The following PRPF8 variants were observed in gnomAD, a reference collection of about 807,000 sequenced individuals.
PRPF8 encodes pre-mRNA-processing-splicing factor 8.
PRPF8 carries 64 observed loss-of-function variants against 285.9 expected under a neutral mutation model. The ratio of observed to expected loss-of-function variants is 0.22; its 90% CI spans 0.18 to 0.28. The LOEUF is 0.28. Ranked by LOEUF, PRPF8 falls within the 10% of genes least tolerant of loss-of-function variation. The pLI is 1.00. For synonymous variants in PRPF8, 1,325 were observed against 1,118.2 expected, an observed-to-expected ratio of 1.18 and a Z score of -3.69; for missense variants, 1,426 against 3,026.7, an observed-to-expected ratio of 0.47 and a Z score of 12.41.
At position 1,681,704 on chromosome 17, in the gene PRPF8, G is replaced by C. The variant is rs1489787491; in HGVS notation, c.654-14C>G. On this transcript the variant is annotated splice_polypyrimidine_tract_variant and intron_variant, in intron 5 of 42. Coordinates refer to ENST00000304992, the MANE Select transcript of PRPF8 (RefSeq NM_006445.4). ...CCATTTACATACCTAGGTAAAAAAT[G>C]AAAGGCCCACCTCAAGTAAGCAGCT... 22 of 1,613,394 alleles carry C rather than the reference G, an allele frequency of 1.4e-5. No individual in the cohort carries two copies. Among genetic ancestry groups the C allele is most frequent in the Non-Finnish European group, 1.8e-5 (21 of 1,179,466 alleles).
At position 1,659,336 on chromosome 17, in the gene PRPF8, T is replaced by C. The variant is rs766965699; in HGVS notation, c.5138+21A>G. On this transcript the variant is annotated intron_variant, in intron 32 of 42. Transcript: ENST00000304992. This position sits in a 1 kb window ranked among gnomAD's most constrained non-coding sequence, Gnocchi z 5.1. ...CCACTGCGCCTGGCCTGAAAATACA[T>C]GGTCCTGAGCCTCAACTCACCTGTG... The C allele has an allele frequency of 7.4e-6, 12 of 1,613,674 alleles. No homozygotes were observed. The highest frequency in any genetic ancestry group is 9.3e-6 in the Non-Finnish European group (11 of 1,179,980).
In PRPF8 at chr17:1,656,428, G is replaced by C; in HGVS notation, c.5757C>G (p.Leu1919=). Reference sequence around the variant, plus strand: ...AAATAGTCTTGAGCCAGTCGTCATAGAGGTTGAAGAGAACCATCTGGGGCT... The same window carrying C: ...AAATAGTCTTGAGCCAGTCGTCATACAGGTTGAAGAGAACCATCTGGGGCT... ...ATEPQMVLFN[L]YDDWLKTISS... is the part of the protein sequence containing the mutation. The change falls in exon 36 of 43, where the codon CTC becomes CTG. Residue 1919 remains leucine, a synonymous_variant. Transcript: ENST00000304992. 6.2e-7 allele frequency: 1 copy of C among 1,614,208 alleles called. No individual in the cohort carries two copies. The highest frequency in any genetic ancestry group is 8.5e-7 in the Non-Finnish European group (1 of 1,180,042).
intron 39 of PRPF8, chr17:1,652,253 G>C: frequency 3.3e-6 from 1 of 300,268 alleles, no homozygotes; most frequent in Non-Finnish European, 6.5e-6. Context: ...TAAATAGTGG[G>C]TTTGAGATGG....
Position 1,675,040 on chromosome 17 carries a change from T to C in PRPF8, c.3060+112A>G, listed in dbSNP as rs1308469129. ...TGCCCGCCTCAGCCTCCCAAAGTGC[T>C]GGGATTACAGGCATGAGCCACCGCA... On this transcript the variant is annotated intron_variant, in intron 20 of 42. Coordinates refer to ENST00000304992, the MANE Select transcript of PRPF8 (RefSeq NM_006445.4). This position sits in a 1 kb window ranked among gnomAD's most constrained non-coding sequence, Gnocchi z 6.0. The C allele has an allele frequency of 7.7e-6, 10 of 1,303,332 alleles. No individual in the cohort carries two copies. The allele number at this position is 1,303,332 out of a possible 1,614,324, so 80.7% of individuals were successfully genotyped here.
intron 24 of PRPF8, among the ~76,000 whole-genome samples, chr17:1,664,673 A>G (rs183465333): frequency 1.3e-5 from 2 of 152,242 alleles, no homozygotes; most frequent in East Asian, 3.9e-4. Flanking sequence ...AAATCTTGAT[A>G]CATTTTTTAA....
Position 1,675,278 on chromosome 17 carries a change from T to C in PRPF8, c.2934A>G (p.Glu978=), listed in dbSNP as rs1380534803. Residue 978 remains glutamate (E), a synonymous_variant, in exon 20 of 43, where the codon GAA becomes GAG. Coordinates refer to ENST00000304992, the MANE Select transcript of PRPF8 (RefSeq NM_006445.4). The surrounding 1 kb of genome is among the most constrained non-coding windows in gnomAD (Gnocchi z 6.0). Reference sequence around the variant, plus strand: ...TCTCATACATCTTCTCAAAGCGGGATTCCAGCATGACATTGCACTCGCCTT... The same window carrying C: ...TCTCATACATCTTCTCAAAGCGGGACTCCAGCATGACATTGCACTCGCCTT... ...TSEGECNVML[E]SRFEKMYEKI... The C allele has an allele frequency of 1.2e-6, 2 of 1,614,076 alleles. No homozygotes were observed. The highest frequency in any genetic ancestry group is 1.7e-6 in the Non-Finnish European group (2 of 1,180,048).
At position 1,658,896 on chromosome 17, in the gene PRPF8, G is replaced by C. The variant is rs1046749627; in HGVS notation, c.5139-133C>G. 1.2e-6 allele frequency: 1 copy of C among 815,252 alleles called. No homozygotes were observed. The highest frequency in any genetic ancestry group is 2.1e-6 in the Non-Finnish European group (1 of 476,248). The allele number at this position is 815,252 out of a possible 1,614,324, so 50.5% of individuals were successfully genotyped here. ...ACACTCTGCTCATGTGTACATACAG[G>C]CTGGAGAAGAGAATCAGTGACCCAT... On this transcript the variant is annotated intron_variant, in intron 32 of 42. Coordinates refer to ENST00000304992, the MANE Select transcript of PRPF8 (RefSeq NM_006445.4). The surrounding 1 kb of genome is among the most constrained non-coding windows in gnomAD (Gnocchi z 4.1).
chr17:1,675,077 C>A lies in PRPF8; in HGVS notation c.3060+75G>T. The A allele has an allele frequency of 6.3e-7, 1 of 1,579,466 alleles. No individual in the cohort carries two copies. Among genetic ancestry groups the A allele is most frequent in the Non-Finnish European group, 8.7e-7 (1 of 1,154,212 alleles). ...CATGAGCCACCGCACCCAGCCTCCT[C>A]CTCAGCAAATTCTGAGTCAGTGGGC... On this transcript the variant is annotated intron_variant, in intron 20 of 42. Transcript: ENST00000304992. This position sits in a 1 kb window ranked among gnomAD's most constrained non-coding sequence, Gnocchi z 6.0.
intron 21 of PRPF8, 126 bp from the exon 22 acceptor site, chr17:1,674,018 A>G (rs1273690720): frequency 2.0e-6 from 2 of 1,023,750 alleles, no homozygotes; most frequent in Non-Finnish European, 2.9e-6. Context: ...GCTTCATTCC[A>G]TTTTATTTTT....
At position 1,673,164 on chromosome 17, in the gene PRPF8, G is replaced by A. The variant is rs750592902; in HGVS notation, c.3691C>T (p.Arg1231Cys). ...TKERTAQCFL[R>C]VDDESMQRFH... ...CGCTGCATTGACTCATCGTCCACAC[G>A]CAGGAAACACTGAGCTGTGCGCTCC... The change falls in exon 24 of 43, where the codon CGT (arginine) becomes TGT (cysteine). Residue 1231 changes from arginine (R) to cysteine (C), a missense_variant. Transcript: ENST00000304992. The surrounding 1 kb of genome is among the most constrained non-coding windows in gnomAD (Gnocchi z 5.5). The A allele has an allele frequency of 1.2e-6, 2 of 1,614,194 alleles. No homozygotes were observed. Among genetic ancestry groups the A allele is most frequent in the Non-Finnish European group, 1.7e-6 (2 of 1,180,032 alleles).
At position 1,650,771 on chromosome 17, in the gene PRPF8, C is replaced by T. The variant is rs1179196041; in HGVS notation, c.*31G>A. The T allele has an allele frequency of 6.2e-6, 10 of 1,612,904 alleles. No homozygotes were observed. Among genetic ancestry groups the T allele is most frequent in the Admixed American group, 3.3e-5 (2 of 59,996 alleles). ...TCTGGAGGGGCTGAGGCTTCGGCCT[C>T]GGGAGGCTGAAGCAGGAGGCAGGGA... On this transcript the variant is annotated 3_prime_UTR_variant, in exon 43 of 43. Coordinates refer to ENST00000304992, the MANE Select transcript of PRPF8 (RefSeq NM_006445.4).
At chr17:1,683,761 T>G in intron 2 of PRPF8, 60 bp from the exon 3 acceptor site, 1 of 1,599,162 alleles carries the variant, frequency 6.3e-7, no homozygotes, top group Non-Finnish European at 8.5e-7. Flanking sequence ...CTTCACCTCT[T>G]GCCCTAGGGT....
intron 24 of PRPF8, among the ~76,000 whole-genome samples, chr17:1,662,856 G>GGA (rs1911745134): frequency 7.0e-6 from 1 of 142,358 alleles, no homozygotes; most frequent in African/African-American, 2.6e-5. Context: ...AAAAGAAAAA[G>GGA]AAAAAAAAAA....
In PRPF8 at chr17:1,684,842, G is replaced by A. The variant is rs886052623; in HGVS notation, c.-74C>T. On this transcript the variant is annotated 5_prime_UTR_variant, in exon 1 of 43. Coordinates refer to ENST00000304992, the MANE Select transcript of PRPF8 (RefSeq NM_006445.4). ...GCGCAATGGCGGCCAGACTGCGTCC[G>A]CTCCGCGTTCCCAGCGCCGGGAAGT... 1.2e-5 allele frequency: 7 copies of A among 595,492 alleles called. No individual in the cohort carries two copies. Among genetic ancestry groups the A allele is most frequent in the Non-Finnish European group, 2.1e-5 (7 of 333,784 alleles). The allele number at this position is 595,492 out of a possible 1,614,324, so 36.9% of individuals were successfully genotyped here.
chr17:1,673,360 A>G lies in PRPF8; in HGVS notation c.3654T>C (p.Asn1218=), dbSNP rs1912433468. ...THKDGVWNLQ[N]EVTKERTAQC... ...CCCAGCCCCGCCCAGGCTGTACCTC[A>G]TTCTGCAGGTTCCAGACCCCGTCCT... Residue 1218 remains asparagine (N), a synonymous_variant, in exon 23 of 43, where the codon AAT becomes AAC. Transcript: ENST00000304992. The surrounding 1 kb of genome is among the most constrained non-coding windows in gnomAD (Gnocchi z 5.5). 1 of 1,613,818 alleles carries G rather than the reference A, an allele frequency of 6.2e-7. No homozygotes were observed. The highest frequency in any genetic ancestry group is 8.5e-7 in the Non-Finnish European group (1 of 1,179,844).
At chr17:1,683,179 TAG>T in intron 3 of PRPF8, 1 of 339,240 alleles carries the variant, frequency 2.9e-6, no homozygotes, top group Non-Finnish European at 5.8e-6. Flanking sequence ...GTATTTTTAG[TAG>T]AGACGGGGTT....
chr17:1,678,497 T>A, intron 13 of PRPF8, 21 bp downstream of exon 13: 2 of 1,613,820 alleles, frequency 1.2e-6, no homozygotes, highest in East Asian at 2.2e-5. Context: ...AAAAAGAAAG[T>A]CAGTAAAGTC....
At chr17:1,665,995 T>C (rs1185855241) in intron 24 of PRPF8, among the ~76,000 whole-genome samples, 1 of 135,212 alleles carries the variant, frequency 7.4e-6, no homozygotes, top group Non-Finnish European at 1.6e-5. Context: ...AACCGCGTCG[T>C]AGTAAAAATA....
In PRPF8 at chr17:1,673,515, T is replaced by C. The variant is rs920314449; in HGVS notation, c.3499A>G (p.Thr1167Ala). 3.1e-6 allele frequency: 5 copies of C among 1,614,156 alleles called. No homozygotes were observed. The highest frequency in any genetic ancestry group is 2.2e-5 in the East Asian group (1 of 44,882). ...IKNRLPRSVT[T>A]VQWENSFVSV... ...ACGAAGCTGTTCTCCCACTGAACTGTAGTCACTGACCGTGGCAAGCGGTTC... is the reference window on the plus strand; with the variant it reads ...ACGAAGCTGTTCTCCCACTGAACTGCAGTCACTGACCGTGGCAAGCGGTTC... Residue 1167 changes from threonine to alanine, a missense_variant, in exon 23 of 43, where the codon ACA becomes GCA. Thr to Ala is a moderately conservative substitution (Grantham distance 58, BLOSUM62 0). This residue lies in a region of PRPF8 where 148 missense variants were observed against 196.2 expected (regional missense o/e 0.75). Coordinates refer to ENST00000304992, the MANE Select transcript of PRPF8 (RefSeq NM_006445.4). The surrounding 1 kb of genome is among the most constrained non-coding windows in gnomAD (Gnocchi z 5.5).
Sources: allele counts gnomAD v4.1 joint callset (sites outside exome capture counted in the v4.1 genomes callset), GRCh38; gene constraint gnomAD v4.1.1; regional missense constraint gnomAD v4.1.1; non-coding constraint Gnocchi (gnomAD v3.1); transcripts MANE v1.5; gene names NCBI Gene and HGNC (gene_info 2026-07-23, HGNC 2026-07-21).